Variants in MAGI1 observed in about 807,000 individuals in gnomAD.
MAGI1 encodes membrane-associated guanylate kinase, WW and PDZ domain-containing protein 1.
MAGI1 carries 58 observed loss-of-function variants against 139.9 expected under a neutral mutation model. The observed-to-expected ratio is 0.41, with a 90% CI of 0.34 to 0.52. The LOEUF (loss-of-function observed/expected upper bound fraction) is 0.52. MAGI1 is among the 20% of genes least tolerant of loss of function. The probability of loss-of-function intolerance (pLI) is 0.12; values close to 1 mark genes in which losing one functional copy is unlikely to be tolerated. For missense variants in MAGI1, 1,874 were observed against 1,901.6 expected (o/e 0.99, Z 0.27); for synonymous variants, 812 against 737.9 (o/e 1.10, Z -1.63).
At chr3:65,936,023 C>A (rs918578390) in intron 1 of MAGI1, among the ~76,000 whole-genome samples, 1 of 152,162 alleles carries the variant, frequency 6.6e-6, no homozygotes, top group Non-Finnish European at 1.5e-5. Context: ...AATAACAAAT[C>A]ATTGGTTTTC....
chr3:65,938,407 T>G (rs745346007), intron 1 of MAGI1, among the ~76,000 whole-genome samples: 23 of 150,796 alleles, frequency 1.5e-4, no homozygotes, highest in Non-Finnish European at 2.7e-4. Flanking sequence ...TTTAAGGACC[T>G]TTAACAACAA....
At chr3:65,684,197 G>T (rs1030986308) in intron 1 of MAGI1, among the ~76,000 whole-genome samples, 30 of 134,732 alleles carry the variant, frequency 2.2e-4, no homozygotes, top group Non-Finnish European at 4.2e-4. Flanking sequence ...GAAAAGAAAA[G>T]AAAAACTAAA....
Position 65,786,713 on chromosome 3 carries a change from G to A in MAGI1, c.314-164625C>T, listed in dbSNP as rs557049212. 5.3e-5 allele frequency among the ~76,000 whole-genome samples: 8 copies of A among 149,840 alleles called. No homozygotes were observed. In the South Asian group the frequency reaches 1.3e-3, roughly 24 times the overall value. ...TGCAAGCTCTGCCTCCCGGGTTCAC[G>A]CCATTCTCCTGCCTCAGCCTCCCTA... On this transcript the variant is annotated intron_variant, in intron 1 of 22. Transcript: ENST00000402939.
intron 1 of MAGI1, among the ~76,000 whole-genome samples, chr3:65,740,134 C>A (rs2035133060): frequency 6.6e-6 from 1 of 152,204 alleles, no homozygotes; most frequent in Non-Finnish European, 1.5e-5. Context: ...CGTACTCCCA[C>A]ACACCCTCAA....
At chr3:65,875,557 C>G (rs181794496) in intron 1 of MAGI1, among the ~76,000 whole-genome samples, 349 of 152,278 alleles carry the variant, frequency 2.3e-3, no homozygotes, top group African/African-American at 7.8e-3. Context: ...CAGAGGTGCA[C>G]AGATCTATTT....
At chr3:65,915,801 T>C (rs1019235300) in intron 1 of MAGI1, among the ~76,000 whole-genome samples, 8 of 152,030 alleles carry the variant, frequency 5.3e-5, no homozygotes, top group African/African-American at 9.7e-5. Flanking sequence ...TTCCTCTCTA[T>C]GGACAAAGCA....
rs1268593678 is a variant in MAGI1, at chr3:66,038,305, A to G, written c.4T>C (p.Ser2Pro). The stretch of plus-strand genomic sequence containing the variant: ...TGGTTCTTCTTCTGGATCACTTTGG[A>G]CATGATGAGTTACACCCCTCCTCCA... M[S>P]KVIQKKNHWT... is the part of the protein sequence containing the mutation. Residue 2 changes from serine (S) to proline (P), a missense_variant, in exon 1 of 23, where the codon TCC becomes CCC. Transcript: ENST00000402939. 3.2e-6 allele frequency: 5 copies of G among 1,572,956 alleles called. No homozygotes were observed. In the Admixed American group the frequency reaches 9.0e-5, roughly 28 times the overall value.
At chr3:65,702,045 C>A (rs529811728) in intron 1 of MAGI1, among the ~76,000 whole-genome samples, 1 of 151,940 alleles carries the variant, frequency 6.6e-6, no homozygotes, top group Non-Finnish European at 1.5e-5. Flanking sequence ...AGGAAATCTA[C>A]CCCCTTGGCT....
chr3:65,471,350 T>C (rs1378300740), intron 4 of MAGI1, among the ~76,000 whole-genome samples: 3 of 152,192 alleles, frequency 2.0e-5, no homozygotes, highest in Non-Finnish European at 2.9e-5. Context: ...AATCAGGGTA[T>C]GTAGTGAATT....
At chr3:65,690,130 C>T (rs972777924) in intron 1 of MAGI1, among the ~76,000 whole-genome samples, 14 of 152,178 alleles carry the variant, frequency 9.2e-5, no homozygotes, top group African/African-American at 3.4e-4. Context: ...AGATTTAAAT[C>T]AGGGACTTTG....
chr3:66,015,179 C>CAAAAAAAA (rs11361856), intron 1 of MAGI1, among the ~76,000 whole-genome samples: 1 of 98,002 alleles, frequency 1.0e-5, no homozygotes, highest in Non-Finnish European at 2.1e-5. Flanking sequence ...CCTGTCTCTA[C>CAAAAAAAA]AAAAAAAAAA....
intron 1 of MAGI1, among the ~76,000 whole-genome samples, chr3:65,716,059 T>A (rs1443723120): frequency 1.3e-5 from 2 of 152,134 alleles, no homozygotes. Flanking sequence ...ACAATTATAT[T>A]CCAAAAAAAT....
intron 1 of MAGI1, chr3:65,688,030 TG>T: frequency 1.2e-6 from 1 of 832,782 alleles, no homozygotes; most frequent in Non-Finnish European, 2.1e-6. Context: ...CCTCACACCC[TG>T]GATCCTAGGC....
chr3:65,611,378 T>C (rs925953565), intron 2 of MAGI1, among the ~76,000 whole-genome samples: 4 of 144,066 alleles, frequency 2.8e-5, no homozygotes, highest in Non-Finnish European at 4.5e-5. Context: ...TATATACATA[T>C]ATACAGAACA....
At chr3:65,806,777 G>A (rs1301780295) in intron 1 of MAGI1, among the ~76,000 whole-genome samples, 1 of 152,114 alleles carries the variant, frequency 6.6e-6, no homozygotes, top group African/African-American at 2.4e-5. Context: ...TACCATGCCT[G>A]GACCCTGTCC....
chr3:65,674,206 T>C (rs1249100857), intron 1 of MAGI1, among the ~76,000 whole-genome samples: 1 of 152,184 alleles, frequency 6.6e-6, no homozygotes, highest in Non-Finnish European at 1.5e-5. Flanking sequence ...TGATGTTAAG[T>C]AGCTAAGATT....
chr3:65,563,558 T>TA (rs1254976348), intron 2 of MAGI1, among the ~76,000 whole-genome samples: 1 of 152,156 alleles, frequency 6.6e-6, no homozygotes, highest in African/African-American at 2.4e-5. Flanking sequence ...CAAACAACCC[T>TA]AGGGAGAAGT....
chr3:65,864,739 C>A (rs1397058063), intron 1 of MAGI1, among the ~76,000 whole-genome samples: 1 of 152,178 alleles, frequency 6.6e-6, no homozygotes, highest in East Asian at 1.9e-4. Context: ...GGTGGCTCTT[C>A]ATGGCCATTC....
chr3:65,977,031 C>T (rs562614553), intron 1 of MAGI1, among the ~76,000 whole-genome samples: 2 of 152,306 alleles, frequency 1.3e-5, no homozygotes, highest in South Asian at 4.2e-4. Flanking sequence ...GGTAATCTTT[C>T]AAATCCCAAT....
Sources: gnomAD v4.1 joint callset for allele counts (sites outside exome capture counted in the v4.1 genomes callset) on GRCh38, gnomAD v4.1.1 for gene constraint, MANE v1.5 for transcripts, NCBI Gene and HGNC (gene_info 2026-07-23, HGNC 2026-07-21) for gene names.